Variants in CCDC7 observed in about 807,000 individuals in gnomAD.
CCDC7 encodes the protein coiled-coil domain-containing protein 7.
A neutral mutation model predicts 196.9 loss-of-function variants in CCDC7; 183 were observed. The observed-to-expected ratio is 0.93, with a 90% CI of 0.82 to 1.05. The LOEUF (loss-of-function observed/expected upper bound fraction) is 1.05. Ranked by LOEUF, CCDC7 falls within the 50% of genes least tolerant of loss-of-function variation. The pLI is 0.00. For missense variants in CCDC7, 1,540 were observed against 1,482.2 expected, an observed-to-expected ratio of 1.04 and a Z score of -0.64; for synonymous variants, 525 against 484.6, an observed-to-expected ratio of 1.08 and a Z score of -1.10.
At chr10:32,738,126 C>T (rs2085179893) in intron 28 of CCDC7, among the ~76,000 whole-genome samples, 1 of 152,088 alleles carries the variant, frequency 6.6e-6, no homozygotes, top group Non-Finnish European at 1.5e-5. Context: ...TTCCTGCCTT[C>T]TCTGGCTTTA....
intron 20 of CCDC7, among the ~76,000 whole-genome samples, chr10:32,653,237 C>T (rs1017537332): frequency 3.9e-5 from 6 of 152,148 alleles, no homozygotes; most frequent in Admixed American, 3.9e-4. Flanking sequence ...GCTGGGGCAG[C>T]TGATTCCCTT....
chr10:32,467,666 A>G (rs193210943), intron 5 of CCDC7, among the ~76,000 whole-genome samples: 230 of 152,198 alleles, frequency 1.5e-3, no homozygotes, highest in African/African-American at 5.3e-3. Context: ...GCCCATTCCT[A>G]TGTCCAGAAT....
intron 21 of CCDC7, among the ~76,000 whole-genome samples, chr10:32,672,987 G>T (rs1308806578): frequency 2.0e-5 from 3 of 152,086 alleles, no homozygotes; most frequent in Non-Finnish European, 4.4e-5. Context: ...TGTGTATAGT[G>T]TAAGAGTTTA....
intron 9 of CCDC7, among the ~76,000 whole-genome samples, chr10:32,502,032 G>A (rs939879235): frequency 1.3e-5 from 2 of 152,182 alleles, no homozygotes; most frequent in Admixed American, 6.5e-5. Context: ...ACACTGTAAG[G>A]TAAAACCACC....
At chr10:32,569,159 A>G (rs2057255863) in intron 15 of CCDC7, among the ~76,000 whole-genome samples, 1 of 152,224 alleles carries the variant, frequency 6.6e-6, no homozygotes, top group Non-Finnish European at 1.5e-5. Context: ...CTTAACATTC[A>G]TTAATAAAAC....
At chr10:32,783,373 G>A (rs2081342199) in intron 29 of CCDC7, among the ~76,000 whole-genome samples, 1 of 152,150 alleles carries the variant, frequency 6.6e-6, no homozygotes, top group Non-Finnish European at 1.5e-5. Context: ...TTCCAGAGGA[G>A]ATATACAAGT....
At chr10:32,691,323 G>A (rs999589932) in intron 23 of CCDC7, among the ~76,000 whole-genome samples, 1 of 152,034 alleles carries the variant, frequency 6.6e-6, no homozygotes, top group South Asian at 2.1e-4. Flanking sequence ...GAGGTTCTTG[G>A]TGAAAAGTCC....
intron 16 of CCDC7, among the ~76,000 whole-genome samples, chr10:32,573,518 G>C (rs183306544): frequency 6.6e-6 from 1 of 152,094 alleles, no homozygotes; most frequent in Non-Finnish European, 1.5e-5. Flanking sequence ...TTAAAGAGGG[G>C]TTATGATAAT....
intron 13 of CCDC7, among the ~76,000 whole-genome samples, chr10:32,547,598 A>C (rs116727156): frequency 6.6e-6 from 1 of 151,974 alleles, no homozygotes; most frequent in Admixed American, 6.6e-5. Context: ...TTAAAAAAAA[A>C]TTTATTTTTA....
intron 26 of CCDC7, among the ~76,000 whole-genome samples, chr10:32,728,114 T>G (rs1018637802): frequency 3.3e-5 from 5 of 152,078 alleles, no homozygotes; most frequent in Non-Finnish European, 7.4e-5. Flanking sequence ...CCCCCTTGAG[T>G]GAAGCTTCTC....
At chr10:32,577,853 C>T (rs1335564630) in intron 16 of CCDC7, among the ~76,000 whole-genome samples, 1 of 152,056 alleles carries the variant, frequency 6.6e-6, no homozygotes, top group African/African-American at 2.4e-5. Flanking sequence ...ACCCATAATG[C>T]GATAGGAATG....
chr10:32,578,283 G>A (rs984978172), intron 16 of CCDC7, among the ~76,000 whole-genome samples: 19 of 152,016 alleles, frequency 1.2e-4, no homozygotes, highest in African/African-American at 4.4e-4. Context: ...GCAGTTTCCT[G>A]CCTTTTTAGC....
At chr10:32,769,839 C>T (rs1241875769) in intron 28 of CCDC7, among the ~76,000 whole-genome samples, 1 of 152,184 alleles carries the variant, frequency 6.6e-6, no homozygotes, top group Non-Finnish European at 1.5e-5. Flanking sequence ...CATAGTATTC[C>T]ATGGTGTATA....
At chr10:32,812,369 A>G (rs535823399) in intron 30 of CCDC7, among the ~76,000 whole-genome samples, 4 of 152,120 alleles carry the variant, frequency 2.6e-5, no homozygotes, top group South Asian at 2.1e-4. Flanking sequence ...TTAAAAAAGC[A>G]TAAAATTATA....
At chr10:32,520,796 C>G (rs1252246843) in intron 11 of CCDC7, among the ~76,000 whole-genome samples, 1 of 152,042 alleles carries the variant, frequency 6.6e-6, no homozygotes, top group East Asian at 1.9e-4. Context: ...AATTTTTGCA[C>G]AGACCAATAT....
intron 29 of CCDC7, among the ~76,000 whole-genome samples, chr10:32,789,837 G>C (rs2082417034): frequency 6.6e-6 from 1 of 152,084 alleles, no homozygotes; most frequent in Admixed American, 6.5e-5. Context: ...ATACACTGGT[G>C]GGACAAGAAT....
intron 21 of CCDC7, among the ~76,000 whole-genome samples, chr10:32,682,684 C>T (rs1215393167): frequency 6.6e-6 from 1 of 152,098 alleles, no homozygotes; most frequent in East Asian, 1.9e-4. Context: ...TAGTAGTAGC[C>T]ATTCTGACTG....
At chr10:32,689,555 A>ATAACCTAGGGAAAGG (rs1359729152) in intron 23 of CCDC7, among the ~76,000 whole-genome samples, 1 of 152,182 alleles carries the variant, frequency 6.6e-6, no homozygotes, top group African/African-American at 2.4e-5. Flanking sequence ...GGGGATCATA[A>ATAACCTAGGGAAAGG]TAACCTAGGG....
chr10:32,837,528 G>A (rs2092697232), intron 33 of CCDC7, among the ~76,000 whole-genome samples: 1 of 152,062 alleles, frequency 6.6e-6, no homozygotes, highest in African/African-American at 2.4e-5. Flanking sequence ...GATTCCTCAG[G>A]GATCTAGAAC....
Sources: allele counts gnomAD v4.1 joint callset (sites outside exome capture counted in the v4.1 genomes callset), GRCh38; gene constraint gnomAD v4.1.1; transcripts MANE v1.5; gene names NCBI Gene and HGNC (gene_info 2026-07-23, HGNC 2026-07-21).